Variants in RGS6 observed in about 807,000 individuals in gnomAD.
RGS6 encodes the protein regulator of G-protein signaling 6.
A neutral mutation model predicts 78.5 loss-of-function variants in RGS6; 30 were observed. The ratio of observed to expected loss-of-function variants is 0.38; its 90% CI spans 0.29 to 0.52. The LOEUF is 0.52. Ranked by LOEUF, RGS6 falls within the 20% of genes least tolerant of loss-of-function variation. RGS6 has a pLI of 0.85. For synonymous variants in RGS6, 206 were observed against 206.0 expected (o/e 1.00, Z 0.00); for missense variants, 495 against 609.7 (o/e 0.81, Z 1.98).
intron 3 of RGS6, among the ~76,000 whole-genome samples, chr14:72,385,913 A>G (rs1454997446): frequency 6.6e-6 from 1 of 152,190 alleles, no homozygotes; most frequent in Non-Finnish European, 1.5e-5. Flanking sequence ...GAAGAAAGCT[A>G]ATATCACATG....
chr14:72,181,659 G>A (rs1449818983), intron 2 of RGS6, among the ~76,000 whole-genome samples: 1 of 152,178 alleles, frequency 6.6e-6, no homozygotes, highest in Non-Finnish European at 1.5e-5. Context: ...TTGAAAGATT[G>A]ATATTTACTC....
At chr14:72,610,928 G>A in the RGS6 span, among the ~76,000 whole-genome samples, 2 of 152,184 alleles carry the variant, frequency 1.3e-5, no homozygotes, top group African/African-American at 4.8e-5. Context: ...TCAAAAGAAC[G>A]TTGCCCACAG....
chr14:72,537,808 G>T, intron 16 of RGS6: 1 of 468,690 alleles, frequency 2.1e-6, no homozygotes, highest in East Asian at 3.6e-5. Flanking sequence ...AACCAGTCTA[G>T]GCCTGTCTAC....
At chr14:72,366,133 C>T (rs934398755) in intron 3 of RGS6, among the ~76,000 whole-genome samples, 16 of 152,184 alleles carry the variant, frequency 1.1e-4, no homozygotes, top group Non-Finnish European at 1.8e-4. Flanking sequence ...ATAACATGCT[C>T]ACCCACCCCA....
At chr14:72,502,354 A>T (rs2096737845) in intron 13 of RGS6, among the ~76,000 whole-genome samples, 1 of 152,134 alleles carries the variant, frequency 6.6e-6, no homozygotes, top group Admixed American at 6.5e-5. Context: ...TCCAACTACA[A>T]CCATGTGATC....
chr14:72,612,624 G>T, the RGS6 span: 2 of 518,762 alleles, frequency 3.9e-6, no homozygotes, highest in Non-Finnish European at 7.7e-6. Flanking sequence ...GAGAATCAGG[G>T]TCTCAGTGGG....
chr14:72,218,692 A>G (rs931826886), intron 2 of RGS6, among the ~76,000 whole-genome samples: 1 of 152,006 alleles, frequency 6.6e-6, no homozygotes, highest in African/African-American at 2.4e-5. Context: ...GCTCACTGCA[A>G]CCTCTACCTC....
intron 3 of RGS6, among the ~76,000 whole-genome samples, chr14:72,432,757 G>A (rs956514100): frequency 1.3e-5 from 2 of 152,136 alleles, no homozygotes; most frequent in East Asian, 1.9e-4. Flanking sequence ...TGGGAAATAA[G>A]CCACATGCTA....
At chr14:72,010,179 A>C (rs2085393376) in intron 2 of RGS6, among the ~76,000 whole-genome samples, 1 of 152,196 alleles carries the variant, frequency 6.6e-6, no homozygotes, top group South Asian at 2.1e-4. Context: ...TTGAAATAAA[A>C]ACTTCTTCCT....
At chr14:71,914,046 C>T in the RGS6 span, among the ~76,000 whole-genome samples, 1 of 152,172 alleles carries the variant, frequency 6.6e-6, no homozygotes, top group African/African-American at 2.4e-5. Context: ...AAGTTTATTA[C>T]GTGATCACAG....
chr14:72,560,105 T>TG (rs2097650386), intron 17 of RGS6, among the ~76,000 whole-genome samples: 1 of 143,546 alleles, frequency 7.0e-6, no homozygotes, highest in South Asian at 2.2e-4. Context: ...GAAGCTTGAG[T>TG]GATTTTTTTT....
At chr14:71,874,182 G>T in the RGS6 span, among the ~76,000 whole-genome samples, 12,969 of 152,108 alleles carry the variant, frequency 0.085, 774 homozygotes, top group Non-Finnish European at 0.13. Flanking sequence ...TGTGAAGAAA[G>T]TCATTGGTAG....
At chr14:71,905,907 C>A in the RGS6 span, among the ~76,000 whole-genome samples, 1 of 152,278 alleles carries the variant, frequency 6.6e-6, no homozygotes, top group Admixed American at 6.5e-5. Context: ...ACAAAGATAT[C>A]AAAGGATTTC....
intron 2 of RGS6, among the ~76,000 whole-genome samples, chr14:72,037,482 A>C (rs958172606): frequency 2.0e-5 from 3 of 152,218 alleles, no homozygotes; most frequent in Non-Finnish European, 4.4e-5. Context: ...ACCATCTTTA[A>C]GAGCTGTAAC....
At chr14:72,541,556 C>T in intron 17 of RGS6, 1 of 1,535,700 alleles carries the variant, frequency 6.5e-7, no homozygotes, top group Non-Finnish European at 8.7e-7. Context: ...CACCAAGAAG[C>T]TGCCACGGGC....
chr14:72,434,447 T>C (rs2094807002), intron 3 of RGS6, among the ~76,000 whole-genome samples: 1 of 152,234 alleles, frequency 6.6e-6, no homozygotes, highest in Non-Finnish European at 1.5e-5. Context: ...GCCTTGTCCA[T>C]GCTTCCTGAA....
the RGS6 span, among the ~76,000 whole-genome samples, chr14:71,879,215 C>G: frequency 6.6e-6 from 1 of 152,092 alleles, no homozygotes; most frequent in Non-Finnish European, 1.5e-5. Context: ...TTTGAAAGCA[C>G]AAAATGAAAG....
the RGS6 span, among the ~76,000 whole-genome samples, chr14:71,889,245 T>C: frequency 6.6e-6 from 1 of 151,892 alleles, no homozygotes; most frequent in Non-Finnish European, 1.5e-5. Flanking sequence ...GGAAGGGCGT[T>C]CTGGGTTGGG....
In RGS6 at chr14:71,972,662, G is replaced by C. The variant is rs137944613; in HGVS notation, c.84+7787G>C. ...GATGTGGAAGGGTTCGGTGTGGAGGGAGAGTGTTGGAGAAGTGGTAGGATT... is the reference window on the plus strand; with the variant it reads ...GATGTGGAAGGGTTCGGTGTGGAGGCAGAGTGTTGGAGAAGTGGTAGGATT... On this transcript the variant is annotated intron_variant, in intron 2 of 17. Coordinates refer to ENST00000553525, the MANE Select transcript of RGS6 (RefSeq NM_001204424.2). 1.5e-4 allele frequency among the ~76,000 whole-genome samples: 23 copies of C among 152,246 alleles called. No homozygotes were observed. In the East Asian group the frequency reaches 4.1e-3, roughly 27 times the overall value.
Sources: gnomAD v4.1 joint callset for allele counts (sites outside exome capture counted in the v4.1 genomes callset) on GRCh38, gnomAD v4.1.1 for gene constraint, MANE v1.5 for transcripts, NCBI Gene and HGNC (gene_info 2026-07-23, HGNC 2026-07-21) for gene names.